Variants in ROCK2 observed in about 807,000 individuals in gnomAD.
The protein encoded by ROCK2 is rho-associated protein kinase 2.
In ROCK2, 61 loss-of-function variants were observed where a neutral mutation model predicts 195.1. The ratio of observed to expected loss-of-function variants is 0.31; its 90% CI spans 0.25 to 0.39. The LOEUF (loss-of-function observed/expected upper bound fraction) is 0.39. ROCK2 is among the 10% of genes least tolerant of loss of function. ROCK2 has a pLI of 1.00. For synonymous variants in ROCK2, 504 were observed against 545.5 expected (o/e 0.92, Z 1.06); for missense variants, 1,109 against 1,637.4 (o/e 0.68, Z 5.57).
At chr2:11,214,690 T>C in intron 16 of ROCK2, 150 bp downstream of exon 16, 1 of 804,132 alleles carries the variant, frequency 1.2e-6, no homozygotes, top group South Asian at 2.0e-5. Flanking sequence ...CTTTTGTTCC[T>C]AAAATTTTGT....
At chr2:11,266,442 CT>C (rs1352968390) in intron 3 of ROCK2, among the ~76,000 whole-genome samples, 1 of 152,174 alleles carries the variant, frequency 6.6e-6, no homozygotes, top group Non-Finnish European at 1.5e-5. Context: ...CACCATAATG[CT>C]GCGCATGACT....
At chr2:11,281,125 C>A (rs542609349) in intron 3 of ROCK2, among the ~76,000 whole-genome samples, 1 of 149,700 alleles carries the variant, frequency 6.7e-6, no homozygotes, top group Non-Finnish European at 1.5e-5. Flanking sequence ...ATCCATCACA[C>A]CAACAGGCTA....
chr2:11,197,393 C>G lies in ROCK2; in HGVS notation c.3280-45G>C, dbSNP rs376005791. ...AATAAGTTAATTGGATGCAACATAACTCAACATTTTGCTTCTTGGTTCAAT... is the reference window on the plus strand; with the variant it reads ...AATAAGTTAATTGGATGCAACATAAGTCAACATTTTGCTTCTTGGTTCAAT... On this transcript the variant is annotated intron_variant, in intron 26 of 32. Coordinates refer to ENST00000315872, the MANE Select transcript of ROCK2 (RefSeq NM_004850.5). This position sits in a 1 kb window ranked among gnomAD's most constrained non-coding sequence, Gnocchi z 4.9. 64 of 1,573,822 alleles carry G rather than the reference C, an allele frequency of 4.1e-5. No individual in the cohort carries two copies. In the African/African-American group the frequency reaches 7.9e-4, roughly 19 times the overall value.
chr2:11,315,978 G>A (rs1479443555), intron 1 of ROCK2, among the ~76,000 whole-genome samples: 1 of 152,044 alleles, frequency 6.6e-6, no homozygotes, highest in Non-Finnish European at 1.5e-5. Context: ...GCACAACTGA[G>A]GAACGGAATT....
chr2:11,335,118 C>T (rs1484995198), intron 1 of ROCK2, among the ~76,000 whole-genome samples: 3 of 150,058 alleles, frequency 2.0e-5, no homozygotes, highest in African/African-American at 7.4e-5. Flanking sequence ...TACACACACA[C>T]ACACACACAC....
chr2:11,202,160 C>T (rs767438439), intron 20 of ROCK2, 39 bp from the exon 21 acceptor site: 1 of 1,532,300 alleles, frequency 6.5e-7, no homozygotes, highest in Non-Finnish European at 9.0e-7. Context: ...ATAACTTACA[C>T]ATATTTTAAA....
chr2:11,224,010 C>A (rs1664725273), intron 7 of ROCK2, among the ~76,000 whole-genome samples: 2 of 152,110 alleles, frequency 1.3e-5, no homozygotes, highest in South Asian at 2.1e-4. Context: ...TATGGAATAA[C>A]CAGCTTGGAG....
At chr2:11,242,384 G>A (rs189265216) in intron 4 of ROCK2, among the ~76,000 whole-genome samples, 15 of 152,082 alleles carry the variant, frequency 9.9e-5, no homozygotes, top group Admixed American at 3.9e-4. Context: ...AAGTCAAGCC[G>A]CACAGAGGGT....
At chr2:11,239,413 T>C (rs911197484) in intron 4 of ROCK2, among the ~76,000 whole-genome samples, 2 of 152,128 alleles carry the variant, frequency 1.3e-5, no homozygotes, top group African/African-American at 4.8e-5. Context: ...AGAAAATAGT[T>C]AAGTGTTGAT....
intron 3 of ROCK2, among the ~76,000 whole-genome samples, chr2:11,255,266 A>G (rs1453580923): frequency 6.7e-6 from 1 of 150,168 alleles, no homozygotes; most frequent in Non-Finnish European, 1.5e-5. Flanking sequence ...CTTTCCACAC[A>G]TCTACATTTA....
rs11347828 is a variant in ROCK2 at position 11,329,466 on chromosome 2, C to CAA, written c.141+14528_141+14529dup. Among the ~76,000 whole-genome samples, 59 of 138,526 alleles carry CAA rather than the reference C, an allele frequency of 4.3e-4. 1 individual carries two copies. In the East Asian group the frequency reaches 9.4e-3, roughly 22 times the overall value. 90.9% of individuals were successfully genotyped at this position (138,526 alleles called of 152,430 possible). A position where few individuals can be genotyped will look rare whatever the true frequency, so the allele number is the denominator to read the frequency against. On this transcript the variant is annotated intron_variant, in intron 1 of 32. Transcript: ENST00000315872. ...TAAAAGCTTGTAACAATCCCATCTC[C>CAA]AAAAAAAAAAAAAACCGTAACTTCT... is the stretch of plus-strand genomic sequence containing the variant.
At chr2:11,266,693 T>C (rs987400073) in intron 3 of ROCK2, among the ~76,000 whole-genome samples, 2 of 152,224 alleles carry the variant, frequency 1.3e-5, no homozygotes, top group African/African-American at 4.8e-5. Context: ...ACTAATTTAT[T>C]TACTGTATAC....
Position 11,201,055 on chromosome 2 carries a change from C to A in ROCK2, c.2812G>T (p.Asp938Tyr). ...TTCATGATCTTCTCTTTTTCCAAAT[C>A]AGAATATTGTTCTTCAGCAATTGAA... ...ARSIAEEQYS[D>Y]LEKEKIMKEL... The change falls in exon 23 of 33, where the codon GAT becomes TAT. Residue 938 changes from aspartate (D) to tyrosine (Y), a missense_variant. Coordinates refer to ENST00000315872, the MANE Select transcript of ROCK2 (RefSeq NM_004850.5). The surrounding 1 kb of genome is among the most constrained non-coding windows in gnomAD (Gnocchi z 4.6). 1.2e-6 allele frequency: 2 copies of A among 1,613,370 alleles called. No individual in the cohort carries two copies. Among genetic ancestry groups the A allele is most frequent in the Non-Finnish European group, 1.7e-6 (2 of 1,179,674 alleles).
intron 1 of ROCK2, among the ~76,000 whole-genome samples, chr2:11,317,627 T>TTTTTTTTTA (rs1192587957): frequency 0.048 from 1,494 of 31,124 alleles, 264 homozygotes; most frequent in Non-Finnish European, 0.076. Context: ...TTTTTTTTTT[T>TTTTTTTTTA]AATTATACTT....
chr2:11,309,874 A>G (rs1240920868), intron 1 of ROCK2, among the ~76,000 whole-genome samples: 2 of 152,118 alleles, frequency 1.3e-5, no homozygotes, highest in South Asian at 2.1e-4. Flanking sequence ...CCAGCTACTC[A>G]GGAGGCTGAG....
chr2:11,234,176 TAA>T (rs1665122865), intron 5 of ROCK2: 2 of 152,182 alleles, frequency 1.3e-5, no homozygotes, highest in Admixed American at 6.5e-5. Context: ...CTTTGCCTTA[TAA>T]AGAGACAATT....
At chr2:11,184,961 C>G (rs1663138039) in intron 32 of ROCK2, among the ~76,000 whole-genome samples, 1 of 152,198 alleles carries the variant, frequency 6.6e-6, no homozygotes, top group African/African-American at 2.4e-5. Context: ...TGCATATAAT[C>G]ATGTTGGCCA....
Position 11,181,229 on chromosome 2 carries a change from G to A in ROCK2, c.*2208C>T, listed in dbSNP as rs1429562353. ...ATATATACTCTCCAATTCAGAATAG[G>A]ATAGAACCTCCCATAATGTAACAAA... On this transcript the variant is annotated 3_prime_UTR_variant, in exon 33 of 33. Coordinates refer to ENST00000315872, the MANE Select transcript of ROCK2 (RefSeq NM_004850.5). 2.1e-5 allele frequency: 3 copies of A among 143,408 alleles called. No individual in the cohort carries two copies. The South Asian group carries it at 6.7e-4, about 32-fold the overall frequency. 8.9% of individuals were successfully genotyped at this position (143,408 alleles called of 1,614,324 possible). A position where few individuals can be genotyped will look rare whatever the true frequency, so the allele number is the denominator to read the frequency against.
chr2:11,187,593 G>A (rs185038258), intron 32 of ROCK2, among the ~76,000 whole-genome samples: 42 of 152,210 alleles, frequency 2.8e-4, no homozygotes, highest in Admixed American at 1.2e-3. Context: ...AATTTTGTAT[G>A]GGGATGAGGC....
Sources: allele counts gnomAD v4.1 joint callset (sites outside exome capture counted in the v4.1 genomes callset), GRCh38; gene constraint gnomAD v4.1.1; non-coding constraint Gnocchi (gnomAD v3.1); transcripts MANE v1.5; gene names NCBI Gene and HGNC (gene_info 2026-07-23, HGNC 2026-07-21).